Variants in IKZF2 observed in about 807,000 individuals in gnomAD.
The protein encoded by IKZF2 is IKAROS family zinc finger 2.
IKZF2 carries 15 observed loss-of-function variants against 49.2 expected under a neutral mutation model. That is an observed-to-expected ratio of 0.30 (90% CI 0.20 to 0.47). IKZF2 has a LOEUF of 0.47. IKZF2 is among the 20% of genes least tolerant of loss of function. The probability of loss-of-function intolerance (pLI) is 1.00; values close to 1 mark genes in which losing one functional copy is unlikely to be tolerated. For synonymous variants in IKZF2, 227 were observed against 221.4 expected (o/e 1.03, Z -0.23); for missense variants, 567 against 664.6 (o/e 0.85, Z 1.61).
chr2:213,003,900 G>C lies in IKZF2; in HGVS notation c.*3460C>G, dbSNP rs1346389384. On this transcript the variant is annotated 3_prime_UTR_variant, in exon 9 of 9. Coordinates refer to ENST00000434687, the MANE Select transcript of IKZF2 (RefSeq NM_001387220.1). ...AACTTTACATTAAATATCTTTGAAT[G>C]TATATCCAATCAGCTTAATCATTGT... The C allele has an allele frequency of 6.6e-6, 1 of 151,700 alleles. No homozygotes were observed. Among genetic ancestry groups the C allele is most frequent in the East Asian group, 1.9e-4 (1 of 5,172 alleles). The allele number at this position is 151,700 out of a possible 1,614,324, so 9.4% of individuals were successfully genotyped here. A position where few individuals can be genotyped will look rare whatever the true frequency, so the allele number is the denominator to read the frequency against.
chr2:213,109,278 C>T (rs2059627462), intron 4 of IKZF2, among the ~76,000 whole-genome samples: 1 of 151,894 alleles, frequency 6.6e-6, no homozygotes, highest in Non-Finnish European at 1.5e-5. Context: ...TAATCCACCT[C>T]CCCTTTATTT....
chr2:213,071,878 C>T (rs1702742909), intron 4 of IKZF2, among the ~76,000 whole-genome samples: 1 of 151,838 alleles, frequency 6.6e-6, no homozygotes, highest in African/African-American at 2.4e-5. Context: ...CTTAGCCCTA[C>T]AATGCAAGCA....
chr2:213,119,002 T>G (rs1261526423), intron 4 of IKZF2, among the ~76,000 whole-genome samples: 4 of 152,212 alleles, frequency 2.6e-5, no homozygotes, highest in African/African-American at 9.6e-5. Flanking sequence ...TCAAAAACCT[T>G]AGCTTGAATT....
At position 213,101,972 on chromosome 2, in the gene IKZF2, G is replaced by T. The variant is rs139243430; in HGVS notation, c.140-44873C>A. 2.0e-3 allele frequency among the ~76,000 whole-genome samples: 309 copies of T among 152,244 alleles called. 1 individual carries two copies. The highest frequency in any genetic ancestry group is 5.2e-3 in the South Asian group (25 of 4,818). On this transcript the variant is annotated intron_variant, in intron 4 of 8. Transcript: ENST00000434687. Reference sequence around the variant, plus strand: ...CATTTCAGATAACTGATCCATGACAGGTTACTAGTATTCAAAACTGGCACT... The same window carrying T: ...CATTTCAGATAACTGATCCATGACATGTTACTAGTATTCAAAACTGGCACT...
At chr2:213,057,127 T>A (rs1701238586) in intron 4 of IKZF2, 28 bp from the exon 5 acceptor site, 1 of 1,591,450 alleles carries the variant, frequency 6.3e-7, no homozygotes, top group Non-Finnish European at 8.6e-7. Flanking sequence ...GAAAATAAAT[T>A]TTAAATACAT....
intron 4 of IKZF2, among the ~76,000 whole-genome samples, chr2:213,139,146 C>T (rs2060781017): frequency 6.6e-6 from 1 of 151,756 alleles, no homozygotes; most frequent in Admixed American, 6.6e-5. Flanking sequence ...ATGAATGGAT[C>T]TCAGGCCAGA....
intron 7 of IKZF2, among the ~76,000 whole-genome samples, chr2:213,017,982 T>C (rs1464070841): frequency 1.3e-5 from 2 of 152,142 alleles, no homozygotes; most frequent in African/African-American, 2.4e-5. Context: ...TATTCCAAAG[T>C]TTGGGGGTGC....
intron 6 of IKZF2, among the ~76,000 whole-genome samples, chr2:213,047,383 G>A (rs1700250387): frequency 6.6e-6 from 1 of 152,078 alleles, no homozygotes; most frequent in African/African-American, 2.4e-5. Flanking sequence ...GTTTGGGTGT[G>A]TTCTACAGGA....
chr2:213,062,787 G>C (rs917275830), intron 4 of IKZF2, among the ~76,000 whole-genome samples: 1 of 151,858 alleles, frequency 6.6e-6, no homozygotes, highest in Admixed American at 6.6e-5. Context: ...TATTGAAGTT[G>C]CTTCTACACT....
At chr2:213,085,138 T>C (rs553385766) in intron 4 of IKZF2, among the ~76,000 whole-genome samples, 9 of 152,222 alleles carry the variant, frequency 5.9e-5, no homozygotes, top group Non-Finnish European at 1.2e-4. Context: ...CCCCAAGTCA[T>C]CTTTCTCTTT....
chr2:213,151,954 A>T (rs1221125471), upstream of IKZF2, among the ~76,000 whole-genome samples: 1 of 151,404 alleles, frequency 6.6e-6, no homozygotes, highest in African/African-American at 2.4e-5. Context: ...GCTGCCCCGG[A>T]GGCTCCGCGA....
chr2:213,109,176 T>TG (rs1286419828), intron 4 of IKZF2, among the ~76,000 whole-genome samples: 5 of 152,108 alleles, frequency 3.3e-5, no homozygotes, highest in Non-Finnish European at 7.4e-5. Context: ...TGAGGAGACT[T>TG]ATTTTAGAAG....
intron 3 of IKZF2, 119 bp from the exon 4 acceptor site, chr2:213,147,931 T>C (rs1036760143): frequency 2.9e-6 from 2 of 685,442 alleles, no homozygotes; most frequent in African/African-American, 1.8e-5. Flanking sequence ...GTAATACATT[T>C]TTCCCTTAGA....
intron 3 of IKZF2, among the ~76,000 whole-genome samples, chr2:213,148,333 G>C (rs2061151815): frequency 6.6e-6 from 1 of 152,166 alleles, no homozygotes; most frequent in Non-Finnish European, 1.5e-5. Context: ...TTACAACAAA[G>C]TAAATTATAA....
At chr2:213,033,174 G>T (rs1037262794) in intron 6 of IKZF2, among the ~76,000 whole-genome samples, 1 of 152,192 alleles carries the variant, frequency 6.6e-6, no homozygotes, top group Non-Finnish European at 1.5e-5. Flanking sequence ...TAACGAGACT[G>T]CAGTAATTCA....
intron 6 of IKZF2, among the ~76,000 whole-genome samples, chr2:213,025,159 T>C (rs1335773015): frequency 6.6e-6 from 1 of 152,142 alleles, no homozygotes; most frequent in East Asian, 1.9e-4. Flanking sequence ...TCTCCTGTTT[T>C]AGCGTCTGAG....
intron 4 of IKZF2, among the ~76,000 whole-genome samples, chr2:213,134,335 T>C (rs1488727594): frequency 2.0e-5 from 3 of 152,060 alleles, no homozygotes; most frequent in Non-Finnish European, 4.4e-5. Flanking sequence ...CCCCTTCCAA[T>C]CTCCTTTCCC....
At chr2:213,030,827 T>TG (rs1199073428) in intron 6 of IKZF2, among the ~76,000 whole-genome samples, 3 of 150,648 alleles carry the variant, frequency 2.0e-5, no homozygotes, top group African/African-American at 7.3e-5. Context: ...TTTTTTTTTT[T>TG]TGTTTGGTGA....
intron 4 of IKZF2, among the ~76,000 whole-genome samples, chr2:213,093,692 T>C (rs927153700): frequency 2.6e-5 from 4 of 152,152 alleles, no homozygotes; most frequent in Non-Finnish European, 5.9e-5. Context: ...TGACCCAAAG[T>C]AAGCCTCAAG....
Sources: allele counts gnomAD v4.1 joint callset (sites outside exome capture counted in the v4.1 genomes callset), GRCh38; gene constraint gnomAD v4.1.1; transcripts MANE v1.5; gene names NCBI Gene and HGNC (gene_info 2026-07-23, HGNC 2026-07-21).